Variants in ABLIM1 observed in about 807,000 individuals in gnomAD.
ABLIM1 encodes the protein actin binding LIM protein 1.
Under a neutral mutation model 107.0 loss-of-function variants are expected in ABLIM1, and 40 were observed. The ratio of observed to expected loss-of-function variants is 0.37; its 90% CI spans 0.29 to 0.49. The LOEUF is 0.49. Among genes scored for constraint, ABLIM1 ranks in the 20% least tolerant of loss-of-function variants. The pLI is 0.97. For synonymous variants in ABLIM1, 357 were observed against 357.3 expected (o/e 1.00, Z 0.01); for missense variants, 857 against 1,008.5 (o/e 0.85, Z 2.04).
At chr10:114,582,705 T>C (rs2073538302) in intron 2 of ABLIM1, among the ~76,000 whole-genome samples, 1 of 151,952 alleles carries the variant, frequency 6.6e-6, no homozygotes, top group South Asian at 2.1e-4. Flanking sequence ...GAAATAAAGT[T>C]ACATACCTAC....
chr10:114,612,509 A>G (rs1318683611), intron 1 of ABLIM1, among the ~76,000 whole-genome samples: 1 of 152,240 alleles, frequency 6.6e-6, no homozygotes, highest in Non-Finnish European at 1.5e-5. Flanking sequence ...TCAGCCTGGC[A>G]CACAGATGCC....
chr10:114,709,341 T>C (rs1038417582), intron 1 of ABLIM1, among the ~76,000 whole-genome samples: 3 of 152,206 alleles, frequency 2.0e-5, no homozygotes, highest in Non-Finnish European at 4.4e-5. Context: ...AGCTGGTTTA[T>C]AGAAAAATCT....
At chr10:114,674,095 G>T (rs1295512171) in intron 1 of ABLIM1, among the ~76,000 whole-genome samples, 3 of 152,034 alleles carry the variant, frequency 2.0e-5, no homozygotes, top group African/African-American at 7.2e-5. Flanking sequence ...TTCGAGACCA[G>T]CCTGGCCAAC....
intron 6 of ABLIM1, among the ~76,000 whole-genome samples, chr10:114,503,020 C>A (rs951544108): frequency 1.3e-5 from 2 of 152,190 alleles, no homozygotes; most frequent in Non-Finnish European, 2.9e-5. Context: ...ATATGTCTGA[C>A]TTCTTTCACT....
intron 6 of ABLIM1, among the ~76,000 whole-genome samples, chr10:114,501,783 C>T (rs2060463711): frequency 2.6e-5 from 4 of 152,340 alleles, no homozygotes; most frequent in Middle Eastern, 3.4e-3. Context: ...CCACTAAGAA[C>T]GTCCCCCAAC....
chr10:114,564,856 C>T (rs189889457), intron 4 of ABLIM1, among the ~76,000 whole-genome samples: 38 of 152,128 alleles, frequency 2.5e-4, no homozygotes, highest in Admixed American at 9.8e-4. Flanking sequence ...TATCTCTAGG[C>T]TCAAGTTCCT....
chr10:114,588,012 A>G (rs896229249), intron 2 of ABLIM1, among the ~76,000 whole-genome samples: 2 of 152,158 alleles, frequency 1.3e-5, no homozygotes, highest in African/African-American at 4.8e-5. Context: ...TGTCTGATTA[A>G]TATCCCTATG....
At chr10:114,436,607 A>C (rs1351954300) in intron 22 of ABLIM1, among the ~76,000 whole-genome samples, 1 of 152,176 alleles carries the variant, frequency 6.6e-6, no homozygotes, top group East Asian at 1.9e-4. Flanking sequence ...GATTATAATA[A>C]TAACACTGAC....
At chr10:114,703,704 C>G (rs1249808389) in intron 1 of ABLIM1, among the ~76,000 whole-genome samples, 2 of 152,208 alleles carry the variant, frequency 1.3e-5, no homozygotes, top group Non-Finnish European at 2.9e-5. Flanking sequence ...ATTACATGCT[C>G]TATAAATGCT....
chr10:114,689,362 T>G (rs2081019221), upstream of ABLIM1, among the ~76,000 whole-genome samples: 1 of 129,722 alleles, frequency 7.7e-6, no homozygotes, highest in Non-Finnish European at 1.7e-5. Context: ...TTTTGTATAT[T>G]GGTTTTTTTT....
intron 1 of ABLIM1, among the ~76,000 whole-genome samples, chr10:114,608,392 G>A (rs947095732): frequency 4.6e-5 from 7 of 152,040 alleles, no homozygotes; most frequent in Middle Eastern, 3.2e-3. Flanking sequence ...TAAGATGGCC[G>A]GGGGCAGTGG....
chr10:114,559,748 C>T lies in ABLIM1; in HGVS notation c.673+11549G>A, dbSNP rs533426831. On this transcript the variant is annotated intron_variant, in intron 4 of 22. Transcript: ENST00000533213. ...TCTTTTTGCAGGGAGACAGAAGTAACATGGCTGAAGCTTGAAGGCTGTGTT... is the reference window on the plus strand; with the variant it reads ...TCTTTTTGCAGGGAGACAGAAGTAATATGGCTGAAGCTTGAAGGCTGTGTT... Among the ~76,000 whole-genome samples, 29 of 152,328 alleles carry T rather than the reference C, an allele frequency of 1.9e-4. No individual in the cohort carries two copies. In the South Asian group the frequency reaches 5.0e-3, roughly 26 times the overall value.
chr10:114,489,576 C>G (rs1258948616), intron 7 of ABLIM1, among the ~76,000 whole-genome samples: 1 of 152,202 alleles, frequency 6.6e-6, no homozygotes, highest in Non-Finnish European at 1.5e-5. Context: ...AGCACTAACT[C>G]TGGCTCAAAG....
At chr10:114,593,468 C>T (rs2075116076) in intron 2 of ABLIM1, among the ~76,000 whole-genome samples, 3 of 152,154 alleles carry the variant, frequency 2.0e-5, no homozygotes, top group Admixed American at 6.5e-5. Flanking sequence ...TCCCTTGGGG[C>T]AACATTAGTA....
At chr10:114,599,009 A>AC (rs1369896076) in intron 2 of ABLIM1, among the ~76,000 whole-genome samples, 1 of 151,698 alleles carries the variant, frequency 6.6e-6, no homozygotes, top group Non-Finnish European at 1.5e-5. Context: ...AATCTTGGGA[A>AC]AAGTCACAGA....
At chr10:114,681,898 GAC>G (rs2080765478) in intron 1 of ABLIM1, among the ~76,000 whole-genome samples, 1 of 152,202 alleles carries the variant, frequency 6.6e-6, no homozygotes. Context: ...ACTGGTCACC[GAC>G]TGTGGCAGCG....
At chr10:114,555,473 A>G (rs1356541303) in intron 4 of ABLIM1, among the ~76,000 whole-genome samples, 1 of 152,126 alleles carries the variant, frequency 6.6e-6, no homozygotes. Flanking sequence ...TCTCACTTTA[A>G]ATCTCCGATC....
At chr10:114,602,202 C>A (rs986363106) in intron 1 of ABLIM1, among the ~76,000 whole-genome samples, 11 of 152,136 alleles carry the variant, frequency 7.2e-5, no homozygotes, top group Non-Finnish European at 1.5e-4. Flanking sequence ...CTGTCTTCTC[C>A]CTTCTTCCCA....
At chr10:114,611,979 G>A (rs1267627031) in intron 1 of ABLIM1, among the ~76,000 whole-genome samples, 2 of 152,238 alleles carry the variant, frequency 1.3e-5, no homozygotes, top group Non-Finnish European at 2.9e-5. Flanking sequence ...TGGATTCCCA[G>A]TCCTGCCTTT....
Sources: gnomAD v4.1 joint callset for allele counts (sites outside exome capture counted in the v4.1 genomes callset) on GRCh38, gnomAD v4.1.1 for gene constraint, MANE v1.5 for transcripts, NCBI Gene and HGNC (gene_info 2026-07-23, HGNC 2026-07-21) for gene names.